TCAF1: variants seen among roughly 807,000 people sequenced by gnomAD.
The protein encoded by TCAF1 is TRPM8 channel associated factor 1.
TCAF1 carries 4 observed loss-of-function variants against 27.3 expected under a neutral mutation model. That is an observed-to-expected ratio of 0.15 (90% CI 0.07 to 0.34). The LOEUF is 0.34. TCAF1 is among the 10% of genes least tolerant of loss of function. The pLI is 1.00. For synonymous variants in TCAF1, 105 were observed against 167.1 expected (o/e 0.63, Z 2.87); for missense variants, 257 against 425.8 (o/e 0.60, Z 3.49).
At chr7:143,880,404 C>T (rs1474878940) in intron 1 of TCAF1, among the ~76,000 whole-genome samples, 4 of 152,128 alleles carry the variant, frequency 2.6e-5, no homozygotes, top group Non-Finnish European at 5.9e-5. Context: ...TACATAAGTA[C>T]CTGTTACATA....
intron 6 of TCAF1, among the ~76,000 whole-genome samples, chr7:143,859,862 T>TACATATATATATATATACAC (rs377600497): frequency 3.1e-5 from 2 of 64,718 alleles, no homozygotes; most frequent in African/African-American, 1.4e-4. Context: ...CTGTTTTATA[T>TACATATATATATATATACAC]ACACATATAC....
chr7:143,884,505 CTCA>C (rs2116826630), intron 1 of TCAF1, among the ~76,000 whole-genome samples: 1 of 152,336 alleles, frequency 6.6e-6, no homozygotes, highest in East Asian at 1.9e-4. Flanking sequence ...GTGACTGGCA[CTCA>C]CTAAGTCCCT....
At chr7:143,901,128 G>A (rs751663734) in intron 1 of TCAF1, among the ~76,000 whole-genome samples, 6 of 152,080 alleles carry the variant, frequency 3.9e-5, no homozygotes, top group Non-Finnish European at 7.4e-5. Context: ...TCAGGCATTC[G>A]TTTCATTATT....
intron 1 of TCAF1, among the ~76,000 whole-genome samples, chr7:143,881,053 A>G (rs1238919154): frequency 6.6e-6 from 1 of 152,164 alleles, no homozygotes; most frequent in African/African-American, 2.4e-5. Context: ...TCAGGGAGAG[A>G]GCAGAGCTTC....
rs1328113478 is a variant in TCAF1 at position 143,859,986 on chromosome 7, T to G, written c.2167+222A>C. Among the ~76,000 whole-genome samples, 5 of 24,692 alleles carry G rather than the reference T, an allele frequency of 2.0e-4. No homozygotes were observed. The East Asian group carries it at 6.7e-3, about 33-fold the overall frequency. 16.2% of individuals were successfully genotyped at this position (24,692 alleles called of 152,430 possible). A position where few individuals can be genotyped will look rare whatever the true frequency, so the allele number is the denominator to read the frequency against. The stretch of plus-strand genomic sequence containing the variant: ...TATATATTATATAATATATATTATA[T>G]AATATATATTATATAATATATATAT... On this transcript the variant is annotated intron_variant, in intron 6 of 8. Coordinates refer to ENST00000479870, the MANE Select transcript of TCAF1 (RefSeq NM_014719.3).
intron 1 of TCAF1, 143 bp from the exon 2 acceptor site, chr7:143,876,765 G>T: frequency 1.8e-6 from 1 of 563,264 alleles, no homozygotes; most frequent in Non-Finnish European, 2.7e-6. Context: ...TAAGCACTCG[G>T]TGTTAGTGTC....
At chr7:143,884,435 A>G (rs1813280757) in intron 1 of TCAF1, among the ~76,000 whole-genome samples, 1 of 152,168 alleles carries the variant, frequency 6.6e-6, no homozygotes, top group African/African-American at 2.4e-5. Flanking sequence ...CCTGAGAGAC[A>G]GTGAGCACAT....
At chr7:143,886,866 A>ATTTTTTTTT (rs56317170) in intron 1 of TCAF1, among the ~76,000 whole-genome samples, 2 of 114,922 alleles carry the variant, frequency 1.7e-5, no homozygotes, top group Non-Finnish European at 1.8e-5. Flanking sequence ...GAGTTTTTGT[A>ATTTTTTTTT]TTTTTTTTTT....
chr7:143,888,350 C>G (rs540073821), intron 1 of TCAF1, among the ~76,000 whole-genome samples: 3 of 152,264 alleles, frequency 2.0e-5, no homozygotes, highest in Non-Finnish European at 4.4e-5. Context: ...GGGAGTGACT[C>G]TATGGGGTTT....
chr7:143,899,017 A>G (rs1294262347), intron 1 of TCAF1, among the ~76,000 whole-genome samples: 1 of 152,144 alleles, frequency 6.6e-6, no homozygotes, highest in African/African-American at 2.4e-5. Flanking sequence ...GATGCCAGCC[A>G]CTCAATCTTG....
intron 2 of TCAF1, among the ~76,000 whole-genome samples, chr7:143,867,458 AAAAC>A (rs1453996106): frequency 1.3e-5 from 2 of 151,880 alleles, no homozygotes; most frequent in African/African-American, 2.4e-5. Context: ...AAACAAAACA[AAAAC>A]AAAGAAACAT....
In TCAF1 at chr7:143,851,583, A is replaced by C. The variant is rs1440613041; in HGVS notation, c.*2550T>G. On this transcript the variant is annotated 3_prime_UTR_variant, in exon 9 of 9. Coordinates refer to ENST00000479870, the MANE Select transcript of TCAF1 (RefSeq NM_014719.3). ...TTTCTAACTTTAAATAATATGTTTG[A>C]GCAATAATTTCTTGACTTACTGACT... 6.6e-6 allele frequency: 1 copy of C among 152,284 alleles called. No homozygotes were observed. The highest frequency in any genetic ancestry group is 1.9e-4 in the East Asian group (1 of 5,208). 9.4% of individuals were successfully genotyped at this position (152,284 alleles called of 1,614,324 possible).
intron 1 of TCAF1, among the ~76,000 whole-genome samples, chr7:143,897,254 C>T (rs1813925952): frequency 1.3e-5 from 2 of 148,346 alleles, no homozygotes; most frequent in Admixed American, 6.9e-5. Context: ...TCTCTGCCAC[C>T]CCCAAAGACA....
intron 1 of TCAF1, among the ~76,000 whole-genome samples, chr7:143,897,535 C>G (rs577291284): frequency 1.3e-5 from 2 of 151,916 alleles, no homozygotes; most frequent in Non-Finnish European, 2.9e-5. Flanking sequence ...ATGTTATATA[C>G]AAATTTTCAA....
At position 143,875,975 on chromosome 7, in the gene TCAF1, G is replaced by C; in HGVS notation, c.620+14C>G. 6.5e-7 allele frequency: 1 copy of C among 1,528,668 alleles called. No homozygotes were observed. The highest frequency in any genetic ancestry group is 8.8e-7 in the Non-Finnish European group (1 of 1,138,488). 94.7% of individuals were successfully genotyped at this position (1,528,668 alleles called of 1,614,324 possible). On this transcript the variant is annotated intron_variant, in intron 2 of 8. Transcript: ENST00000479870. ...AACCCTGGAGCCAACTCCCCAGTGG[G>C]GTAACATACTCACCTAACCAACACT...
chr7:143,890,058 G>A (rs1411215836), intron 1 of TCAF1, among the ~76,000 whole-genome samples: 1 of 150,166 alleles, frequency 6.7e-6, no homozygotes, highest in Non-Finnish European at 1.5e-5. Flanking sequence ...GCTCGATCTC[G>A]GCTCACTGCA....
At chr7:143,880,328 G>A (rs910727206) in intron 1 of TCAF1, among the ~76,000 whole-genome samples, 1 of 152,196 alleles carries the variant, frequency 6.6e-6, no homozygotes, top group African/African-American at 2.4e-5. Flanking sequence ...GTGCTAAGTG[G>A]TGGTGGATCT....
intron 1 of TCAF1, among the ~76,000 whole-genome samples, chr7:143,887,215 T>C (rs1038038604): frequency 3.3e-5 from 5 of 152,172 alleles, no homozygotes; most frequent in African/African-American, 1.2e-4. Context: ...ATACTAAGTT[T>C]GGTAAATATT....
chr7:143,876,765 G>A, intron 1 of TCAF1, 143 bp from the exon 2 acceptor site: 2 of 563,264 alleles, frequency 3.6e-6, no homozygotes, highest in Non-Finnish European at 5.5e-6. Context: ...TAAGCACTCG[G>A]TGTTAGTGTC....
Sources: gnomAD v4.1 joint callset for allele counts (sites outside exome capture counted in the v4.1 genomes callset) on GRCh38, gnomAD v4.1.1 for gene constraint, MANE v1.5 for transcripts, NCBI Gene and HGNC (gene_info 2026-07-23, HGNC 2026-07-21) for gene names.